The following EXOSC4 variants were observed in gnomAD, a reference collection of about 807,000 sequenced individuals.
EXOSC4 encodes exosome complex component RRP41.
A neutral mutation model predicts 20.0 loss-of-function variants in EXOSC4; 14 were observed. That is an observed-to-expected ratio of 0.70 (90% CI 0.46 to 1.09). The LOEUF (loss-of-function observed/expected upper bound fraction) is 1.09, where lower values mean the gene tolerates loss of function less well. Ranked by LOEUF, EXOSC4 falls within the 50% of genes least tolerant of loss-of-function variation. The pLI is 0.00. For synonymous variants in EXOSC4, 148 were observed against 146.4 expected (o/e 1.01, Z -0.08); for missense variants, 337 against 334.0 (o/e 1.01, Z -0.07).
At chr8:144,067,710 A>G in the EXOSC4 span, among the ~76,000 whole-genome samples, 2 of 152,234 alleles carry the variant, frequency 1.3e-5, no homozygotes, top group Admixed American at 6.5e-5. Flanking sequence ...AGATGAACAA[A>G]GATAGAAAAT....
chr8:144,073,454 G>A, the EXOSC4 span, among the ~76,000 whole-genome samples: 5 of 152,226 alleles, frequency 3.3e-5, no homozygotes, highest in African/African-American at 1.2e-4. Context: ...TCCCAGAACC[G>A]ACACCTACTC....
chr8:144,070,732 G>T, the EXOSC4 span, among the ~76,000 whole-genome samples: 4 of 151,874 alleles, frequency 2.6e-5, no homozygotes, highest in African/African-American at 4.8e-5. Flanking sequence ...GGAGGCTGAG[G>T]CAGGAGAATC....
At chr8:144,065,705 A>G in the EXOSC4 span, among the ~76,000 whole-genome samples, 2 of 152,174 alleles carry the variant, frequency 1.3e-5, no homozygotes, top group Non-Finnish European at 2.9e-5. Flanking sequence ...ACTGCACTCC[A>G]GCCTGGGCAA....
chr8:144,072,608 C>T, the EXOSC4 span, among the ~76,000 whole-genome samples: 1 of 152,226 alleles, frequency 6.6e-6, no homozygotes, highest in African/African-American at 2.4e-5. Context: ...TTGTCTACCT[C>T]CGCAAGATCA....
At chr8:144,079,831 G>T in intron 1 of EXOSC4, 112 bp from the exon 2 acceptor site, 1 of 1,012,892 alleles carries the variant, frequency 9.9e-7, no homozygotes, top group Non-Finnish European at 1.6e-6. Context: ...TGGAGGTAAC[G>T]CAGTTGCCCC....
chr8:144,080,171 A>G lies in EXOSC4; in HGVS notation c.378+22A>G, dbSNP rs1554763274. The G allele has an allele frequency of 6.2e-7, 1 of 1,608,796 alleles. No homozygotes were observed. Among genetic ancestry groups the G allele is most frequent in the Non-Finnish European group, 8.5e-7 (1 of 1,176,062 alleles). ...GCAGGTGAGCCAGCTGCAGCCGTCA[A>G]TCCAGGGAGGGAAGGGTGTGATGGG... On this transcript the variant is annotated intron_variant, in intron 2 of 2. Coordinates refer to ENST00000316052, the MANE Select transcript of EXOSC4 (RefSeq NM_019037.3). The surrounding 1 kb of genome is among the most constrained non-coding windows in gnomAD (Gnocchi z 4.9).
the EXOSC4 span, among the ~76,000 whole-genome samples, chr8:144,071,912 C>T: frequency 1.3e-5 from 2 of 152,084 alleles, no homozygotes; most frequent in Middle Eastern, 3.4e-3. Context: ...CCCAGGAGGT[C>T]GAGGCTGCAG....
chr8:144,074,626 G>A (rs958981031), upstream of EXOSC4, among the ~76,000 whole-genome samples: 2 of 152,228 alleles, frequency 1.3e-5, no homozygotes, highest in East Asian at 1.9e-4. Flanking sequence ...CAGGAGTACC[G>A]TGGCACGATC....
the EXOSC4 span, among the ~76,000 whole-genome samples, chr8:144,066,063 C>T: frequency 6.6e-6 from 1 of 151,534 alleles, no homozygotes. Flanking sequence ...GTCACCCAGG[C>T]TGGAGTGCAG....
At chr8:144,071,515 C>A in the EXOSC4 span, among the ~76,000 whole-genome samples, 578 of 148,332 alleles carry the variant, frequency 3.9e-3, 20 homozygotes, top group Admixed American at 0.036. Context: ...CCATGTTGAC[C>A]AGGCTGATCT....
At chr8:144,078,495 G>A, upstream of EXOSC4, 1 of 387,656 alleles carries the variant, frequency 2.6e-6, no homozygotes. This position sits in a 1 kb window ranked among gnomAD's most constrained non-coding sequence, Gnocchi z 4.7. Flanking sequence ...CCGTAGATCC[G>A]GGGAGGTCGG....
upstream of EXOSC4, among the ~76,000 whole-genome samples, chr8:144,077,053 A>C (rs1460301337): frequency 6.8e-6 from 1 of 146,818 alleles, no homozygotes; most frequent in Non-Finnish European, 1.5e-5. Context: ...CCTGGGTGAC[A>C]GTGAGACTCC....
chr8:144,064,367 A>AACC, the EXOSC4 span, among the ~76,000 whole-genome samples: 2 of 152,246 alleles, frequency 1.3e-5, no homozygotes, highest in African/African-American at 4.8e-5. Context: ...GTATGTCGGC[A>AACC]GTCACGGTTG....
At chr8:144,079,072 G>A (rs782472255) in intron 1 of EXOSC4, 173 bp downstream of exon 1, 18 of 719,438 alleles carry the variant, frequency 2.5e-5, no homozygotes, top group Non-Finnish European at 3.0e-5. Context: ...TGTGCTGCGC[G>A]GTGGTCCTGC....
chr8:144,068,418 C>T, the EXOSC4 span, among the ~76,000 whole-genome samples: 1 of 152,216 alleles, frequency 6.6e-6, no homozygotes, highest in African/African-American at 2.4e-5. Flanking sequence ...ACACCACCAC[C>T]ATGGCTGCCA....
the EXOSC4 span, among the ~76,000 whole-genome samples, chr8:144,070,235 C>G: frequency 6.6e-6 from 1 of 152,118 alleles, no homozygotes; most frequent in Non-Finnish European, 1.5e-5. Context: ...CAGAAGGAAA[C>G]TGGGAGAAGC....
At chr8:144,070,250 G>C in the EXOSC4 span, among the ~76,000 whole-genome samples, 1 of 152,198 alleles carries the variant, frequency 6.6e-6, no homozygotes, top group Admixed American at 6.5e-5. Context: ...AGAAGCTTGG[G>C]GGGCGTGGCT....
chr8:144,078,012 A>G (rs1170791031), upstream of EXOSC4: 1 of 152,238 alleles, frequency 6.6e-6, no homozygotes, highest in Admixed American at 6.5e-5. This position sits in a 1 kb window ranked among gnomAD's most constrained non-coding sequence, Gnocchi z 4.7. Context: ...TAATAGAATG[A>G]TTTTTATTAT....
chr8:144,080,081 C>T lies in EXOSC4; in HGVS notation c.310C>T (p.Arg104Cys), dbSNP rs1327699977. Residue 104 changes from arginine to cysteine, a missense_variant, in exon 2 of 3, where the codon CGC (arginine) becomes TGC (cysteine). Physicochemically the swap from Arg to Cys is radical, Grantham distance 180 (BLOSUM62 -3). Transcript: ENST00000316052. The surrounding 1 kb of genome is among the most constrained non-coding windows in gnomAD (Gnocchi z 4.9). ...RKSCEMGLQL[R>C]QTFEAAILTQ... Reference sequence around the variant, plus strand: ...GTCCTGTGAGATGGGCCTGCAGCTCCGCCAGACTTTCGAAGCAGCCATCCT... The same window carrying T: ...GTCCTGTGAGATGGGCCTGCAGCTCTGCCAGACTTTCGAAGCAGCCATCCT... The T allele has an allele frequency of 6.2e-7, 1 of 1,614,100 alleles. No individual in the cohort carries two copies. The highest frequency in any genetic ancestry group is 1.7e-5 in the Admixed American group (1 of 60,028).
Sources: gnomAD v4.1 joint callset for allele counts (sites outside exome capture counted in the v4.1 genomes callset) on GRCh38, gnomAD v4.1.1 for gene constraint, Gnocchi (gnomAD v3.1) non-coding constraint, MANE v1.5 for transcripts, NCBI Gene and HGNC (gene_info 2026-07-23, HGNC 2026-07-21) for gene names.